Variants in CNTNAP2 observed in about 807,000 individuals in gnomAD.
The protein encoded by CNTNAP2 is contactin associated protein 2.
A neutral mutation model predicts 155.2 loss-of-function variants in CNTNAP2; 98 were observed. The observed-to-expected ratio is 0.63, with a 90% CI of 0.54 to 0.75. CNTNAP2 has a LOEUF of 0.75. Ranked by LOEUF, CNTNAP2 falls within the 30% of genes least tolerant of loss-of-function variation. CNTNAP2 has a pLI of 0.00. For missense variants in CNTNAP2, 1,727 were observed against 1,688.1 expected, an observed-to-expected ratio of 1.02 and a Z score of -0.40; for synonymous variants, 651 against 631.2, an observed-to-expected ratio of 1.03 and a Z score of -0.47.
intron 22 of CNTNAP2, among the ~76,000 whole-genome samples, chr7:148,408,235 T>G (rs1338750076): frequency 2.0e-5 from 3 of 151,846 alleles, no homozygotes; most frequent in Admixed American, 6.6e-5. Context: ...GACAACAGAG[T>G]GAGACCCTTT....
intron 8 of CNTNAP2, among the ~76,000 whole-genome samples, chr7:147,208,170 G>C (rs1803059594): frequency 6.6e-6 from 1 of 151,970 alleles, no homozygotes; most frequent in South Asian, 2.1e-4. Context: ...TTACTCTAGA[G>C]GCACACTCTG....
At chr7:148,305,900 G>A (rs1797482618) in intron 21 of CNTNAP2, among the ~76,000 whole-genome samples, 1 of 152,072 alleles carries the variant, frequency 6.6e-6, no homozygotes, top group African/African-American at 2.4e-5. Flanking sequence ...GATAACCTGG[G>A]CCTCCGGATG....
intron 13 of CNTNAP2, among the ~76,000 whole-genome samples, chr7:147,683,411 G>T (rs1322808303): frequency 2.0e-5 from 3 of 151,718 alleles, no homozygotes; most frequent in Non-Finnish European, 4.4e-5. Flanking sequence ...TACCTGATAA[G>T]ATAAGTTTTG....
intron 15 of CNTNAP2, among the ~76,000 whole-genome samples, chr7:148,106,548 A>G (rs1401239973): frequency 6.9e-6 from 1 of 144,606 alleles, no homozygotes; most frequent in African/African-American, 2.7e-5. Flanking sequence ...ATAAATAGAG[A>G]CGAGGTCTCA....
chr7:146,338,968 A>T (rs1801327638), intron 1 of CNTNAP2, among the ~76,000 whole-genome samples: 1 of 152,010 alleles, frequency 6.6e-6, no homozygotes, highest in Admixed American at 6.6e-5. Flanking sequence ...GGATCACCTG[A>T]GGTCAGGAGT....
intron 2 of CNTNAP2, among the ~76,000 whole-genome samples, chr7:146,812,804 G>A (rs1405049129): frequency 6.6e-6 from 1 of 152,218 alleles, no homozygotes; most frequent in Non-Finnish European, 1.5e-5. Flanking sequence ...AGGCCTAGAA[G>A]GGAAATATTG....
intron 9 of CNTNAP2, among the ~76,000 whole-genome samples, chr7:147,312,404 G>A (rs1386220535): frequency 3.4e-5 from 5 of 145,152 alleles, no homozygotes; most frequent in Admixed American, 6.9e-5. Context: ...AATGCTAACC[G>A]TCCCCCCTCC....
chr7:146,124,212 C>G (rs887902347), intron 1 of CNTNAP2, among the ~76,000 whole-genome samples: 1 of 151,962 alleles, frequency 6.6e-6, no homozygotes, highest in African/African-American at 2.4e-5. Flanking sequence ...CAAACCTTCA[C>G]GTTCTGCACA....
chr7:147,712,318 C>T (rs1796411874), intron 13 of CNTNAP2, among the ~76,000 whole-genome samples: 1 of 152,152 alleles, frequency 6.6e-6, no homozygotes, highest in African/African-American at 2.4e-5. Flanking sequence ...CTGGTTCAAC[C>T]ATTGTGGAAG....
chr7:147,366,093 CATT>C (rs1254140606), intron 9 of CNTNAP2, among the ~76,000 whole-genome samples: 1 of 152,154 alleles, frequency 6.6e-6, no homozygotes, highest in East Asian at 1.9e-4. Context: ...GACTCACAGT[CATT>C]ATTTTAGATG....
At chr7:146,583,676 T>C (rs1399808932) in intron 1 of CNTNAP2, among the ~76,000 whole-genome samples, 1 of 152,210 alleles carries the variant, frequency 6.6e-6, no homozygotes, top group Non-Finnish European at 1.5e-5. Context: ...ATAGGTCTTG[T>C]TACATTTTTA....
intron 20 of CNTNAP2, among the ~76,000 whole-genome samples, chr7:148,260,965 A>C (rs988611754): frequency 6.6e-6 from 1 of 152,252 alleles, no homozygotes; most frequent in Non-Finnish European, 1.5e-5. Flanking sequence ...ACTAAAGACA[A>C]GGGTTATTTT....
chr7:147,365,699 A>T (rs1319209736), intron 9 of CNTNAP2, among the ~76,000 whole-genome samples: 1 of 152,106 alleles, frequency 6.6e-6, no homozygotes. Flanking sequence ...AGTGTAAAAT[A>T]TATATTCTAG....
chr7:146,724,030 A>G (rs1801385335), intron 1 of CNTNAP2, among the ~76,000 whole-genome samples: 1 of 152,184 alleles, frequency 6.6e-6, no homozygotes, highest in African/African-American at 2.4e-5. Context: ...CTGGAATTCA[A>G]ACGTTACTAC....
At chr7:146,760,812 T>G (rs1296393684) in intron 1 of CNTNAP2, among the ~76,000 whole-genome samples, 1 of 152,110 alleles carries the variant, frequency 6.6e-6, no homozygotes, top group Non-Finnish European at 1.5e-5. Flanking sequence ...ATCAATGTTT[T>G]GTTTCTTCTA....
intron 3 of CNTNAP2, among the ~76,000 whole-genome samples, chr7:147,009,540 TAGCC>T (rs1798587665): frequency 6.6e-6 from 1 of 152,238 alleles, no homozygotes; most frequent in South Asian, 2.1e-4. Flanking sequence ...GTATCATTAG[TAGCC>T]AGTGGACTTT....
chr7:147,963,165 TAC>T (rs1300578363), intron 14 of CNTNAP2, among the ~76,000 whole-genome samples: 1 of 152,150 alleles, frequency 6.6e-6, no homozygotes, highest in Non-Finnish European at 1.5e-5. Flanking sequence ...TAAAGAGTAT[TAC>T]ATCACTAGAG....
At chr7:147,368,328 G>A (rs967777829) in intron 9 of CNTNAP2, among the ~76,000 whole-genome samples, 21 of 151,920 alleles carry the variant, frequency 1.4e-4, no homozygotes, top group African/African-American at 4.4e-4. Flanking sequence ...ATTGAGTAGG[G>A]CATCCCTGAG....
intron 1 of CNTNAP2, among the ~76,000 whole-genome samples, chr7:146,523,940 C>T (rs905057492): frequency 6.6e-6 from 1 of 151,946 alleles, no homozygotes; most frequent in African/African-American, 2.4e-5. Flanking sequence ...GTTCCTGTGC[C>T]TTTATTCAAG....
Sources: gnomAD v4.1 joint callset for allele counts (sites outside exome capture counted in the v4.1 genomes callset) on GRCh38, gnomAD v4.1.1 for gene constraint, MANE v1.5 for transcripts, NCBI Gene and HGNC (gene_info 2026-07-23, HGNC 2026-07-21) for gene names.